Variants in FANCL observed in about 807,000 individuals in gnomAD.
FANCL encodes the protein FA complementation group L, also known as E3 ubiquitin-protein ligase FANCL.
Under a neutral mutation model 59.4 loss-of-function variants are expected in FANCL, and 69 were observed. That is an observed-to-expected ratio of 1.16 (90% CI 0.96 to 1.42). FANCL has a LOEUF of 1.42. FANCL is among the 40% of genes most tolerant of loss of function. The pLI, the probability that FANCL is intolerant of heterozygous loss-of-function variation, is 0.00. For missense variants in FANCL, 519 were observed against 447.2 expected (o/e 1.16, Z -1.45); for synonymous variants, 180 against 147.1 (o/e 1.22, Z -1.62).
chr2:58,189,775 A>G (rs554708697), intron 7 of FANCL, among the ~76,000 whole-genome samples: 1 of 152,178 alleles, frequency 6.6e-6, no homozygotes, highest in South Asian at 2.1e-4. Context: ...CAGTATTTTA[A>G]TAATTTCCAC....
Position 58,160,048 on chromosome 2 carries a change from C to T in FANCL, c.1092+60G>A, listed in dbSNP as rs554291694. On this transcript the variant is annotated intron_variant, in intron 13 of 13. Transcript: ENST00000233741. The stretch of plus-strand genomic sequence containing the variant: ...CTGATATACTATATAGATCTATCTT[C>T]TAGAACATATTACTGAAAGCTAGGC... 31 of 1,606,154 alleles carry T rather than the reference C, an allele frequency of 1.9e-5. No individual in the cohort carries two copies. The East Asian group carries it at 5.1e-4, about 27-fold the overall frequency.
chr2:58,236,123 G>A (rs969092251), intron 1 of FANCL, among the ~76,000 whole-genome samples: 3 of 150,238 alleles, frequency 2.0e-5, no homozygotes, highest in African/African-American at 7.3e-5. Context: ...TATATACTCA[G>A]AGATCCAAGA....
At chr2:58,219,754 A>C (rs1692290470) in intron 5 of FANCL, among the ~76,000 whole-genome samples, 1 of 152,150 alleles carries the variant, frequency 6.6e-6, no homozygotes, top group Admixed American at 6.5e-5. Flanking sequence ...CTAGAGGCCA[A>C]GTCAAAGAGA....
At chr2:58,212,375 T>A (rs141429372) in intron 5 of FANCL, among the ~76,000 whole-genome samples, 64 of 152,204 alleles carry the variant, frequency 4.2e-4, no homozygotes, top group Non-Finnish European at 7.9e-4. Flanking sequence ...CTGCAACACA[T>A]GGGAATTGTG....
chr2:58,190,981 C>T (rs948214468), intron 7 of FANCL, among the ~76,000 whole-genome samples: 6 of 151,928 alleles, frequency 3.9e-5, no homozygotes, highest in Admixed American at 2.6e-4. Context: ...ACTGAAGTAT[C>T]TATCATTTCT....
In FANCL at chr2:58,229,827, C is replaced by T. The variant is rs143819820; in HGVS notation, c.203G>A (p.Arg68Gln). The change falls in exon 3 of 14, where the codon CGA (arginine) becomes CAA (glutamine). Residue 68 changes from arginine (R) to glutamine (Q), a missense_variant. Coordinates refer to ENST00000233741, the MANE Select transcript of FANCL (RefSeq NM_018062.4). ...QLRTILSGYH[R>Q]IVQQRMQHSP... ...AAAAGGACTTACCTGTTGTACTATT[C>T]GATGGTATCCACTAAGTATTGTTCT... 3.1e-6 allele frequency: 5 copies of T among 1,609,410 alleles called. No individual in the cohort carries two copies. The Admixed American group carries it at 6.7e-5, about 21-fold the overall frequency.
At chr2:58,175,673 A>G (rs995127035) in intron 7 of FANCL, among the ~76,000 whole-genome samples, 6 of 152,232 alleles carry the variant, frequency 3.9e-5, no homozygotes, top group Admixed American at 1.3e-4. Flanking sequence ...CCCACAGCCA[A>G]TATCACAGTG....
intron 5 of FANCL, among the ~76,000 whole-genome samples, chr2:58,209,905 G>A (rs1340556086): frequency 1.3e-5 from 2 of 152,070 alleles, no homozygotes; most frequent in African/African-American, 4.8e-5. Context: ...CTAAGATAGT[G>A]GGCTTAATCA....
At chr2:58,217,205 TATATATATATACACACAC>T (rs1445335844) in intron 5 of FANCL, among the ~76,000 whole-genome samples, 644 of 8,730 alleles carry the variant, frequency 0.074, 2 homozygotes, top group Non-Finnish European at 0.1. Context: ...TATATATATA[TATATATATATACACACAC>T]ACACACACAC....
Position 58,232,125 on chromosome 2 carries a change from T to C in FANCL, c.97-13A>G, listed in dbSNP as rs1378747822. 9 of 1,610,066 alleles carry C rather than the reference T, an allele frequency of 5.6e-6. No individual in the cohort carries two copies. Among genetic ancestry groups the C allele is most frequent in the Non-Finnish European group, 5.9e-6 (7 of 1,176,712 alleles). ...GGAAGTCTCTTCCCTGTGGAAAATA[T>C]TGAAAAGGATCACTCAAATTTTTAT... On this transcript the variant is annotated splice_polypyrimidine_tract_variant and intron_variant, in intron 1 of 13. Coordinates refer to ENST00000233741, the MANE Select transcript of FANCL (RefSeq NM_018062.4).
At chr2:58,183,365 C>A (rs570154517) in intron 7 of FANCL, among the ~76,000 whole-genome samples, 11 of 150,602 alleles carry the variant, frequency 7.3e-5, no homozygotes, top group Non-Finnish European at 1.0e-4. Context: ...GGTCTGAATT[C>A]TCCAAAGTAG....
At chr2:58,231,927 CT>C in intron 2 of FANCL, 126 bp downstream of exon 2, 1 of 764,062 alleles carries the variant, frequency 1.3e-6, no homozygotes, top group South Asian at 1.5e-5. Flanking sequence ...AGAAATGTTT[CT>C]TTTGGGGCAA....
chr2:58,197,424 T>C (rs535378461), intron 7 of FANCL, among the ~76,000 whole-genome samples: 2 of 152,296 alleles, frequency 1.3e-5, no homozygotes, highest in East Asian at 3.9e-4. Context: ...GAAATGTTTT[T>C]TCTCTTTGCC....
intron 6 of FANCL, among the ~76,000 whole-genome samples, chr2:58,202,707 A>T (rs1690165906): frequency 1.3e-5 from 2 of 151,878 alleles, no homozygotes; most frequent in African/African-American, 2.4e-5. Context: ...AAAAAAGCAG[A>T]CAAAATGGAC....
At chr2:58,164,609 G>T (rs1327922338) in intron 8 of FANCL, among the ~76,000 whole-genome samples, 1 of 152,006 alleles carries the variant, frequency 6.6e-6, no homozygotes, top group Admixed American at 6.5e-5. Flanking sequence ...AAGCTAAAAG[G>T]TAAATAGGGA....
intron 7 of FANCL, among the ~76,000 whole-genome samples, chr2:58,180,672 G>A (rs943052914): frequency 6.6e-6 from 1 of 151,952 alleles, no homozygotes; most frequent in African/African-American, 2.4e-5. Flanking sequence ...AAACCTGCAC[G>A]TTCTGCACAT....
At chr2:58,174,547 A>C (rs1573573156) in intron 7 of FANCL, among the ~76,000 whole-genome samples, 1 of 152,260 alleles carries the variant, frequency 6.6e-6, no homozygotes, top group Non-Finnish European at 1.5e-5. Context: ...TACTGGGTAC[A>C]TAACAAAATG....
intron 7 of FANCL, among the ~76,000 whole-genome samples, chr2:58,197,269 A>AT (rs1436870060): frequency 2.0e-5 from 3 of 151,608 alleles, no homozygotes; most frequent in African/African-American, 4.8e-5. Flanking sequence ...TAGGCTTTTT[A>AT]TTTTTTTACT....
At chr2:58,161,283 T>C (rs1379887209) in intron 12 of FANCL, among the ~76,000 whole-genome samples, 1 of 152,012 alleles carries the variant, frequency 6.6e-6, no homozygotes, top group Non-Finnish European at 1.5e-5. Context: ...AGCTAGTCCA[T>C]GAATATATTC....
Sources: allele counts gnomAD v4.1 joint callset (sites outside exome capture counted in the v4.1 genomes callset), GRCh38; gene constraint gnomAD v4.1.1; transcripts MANE v1.5; gene names NCBI Gene and HGNC (gene_info 2026-07-23, HGNC 2026-07-21).